The following GNG4 variants were observed in gnomAD, a reference collection of about 807,000 sequenced individuals.
GNG4 encodes the protein G protein subunit gamma 4.
GNG4 carries 4 observed loss-of-function variants against 5.8 expected under a neutral mutation model. The ratio of observed to expected loss-of-function variants is 0.69; its 90% CI spans 0.34 to 1.57. The LOEUF is 1.57. Ranked by LOEUF, GNG4 falls within the 40% of genes most tolerant of loss-of-function variation. GNG4 has a pLI of 0.06. For missense variants in GNG4, 96 were observed against 95.1 expected (o/e 1.01, Z -0.04); for synonymous variants, 29 against 32.9 (o/e 0.88, Z 0.41).
chr1:235,573,692 A>T (rs1200444808), intron 3 of GNG4, among the ~76,000 whole-genome samples: 1 of 151,992 alleles, frequency 6.6e-6, no homozygotes, highest in East Asian at 1.9e-4. Flanking sequence ...CAGGAGAATC[A>T]CTTGAACCCG....
chr1:235,577,683 C>G (rs35840115), intron 3 of GNG4, among the ~76,000 whole-genome samples: 1 of 151,302 alleles, frequency 6.6e-6, no homozygotes, highest in Non-Finnish European at 1.5e-5. Context: ...TCGTGATCCA[C>G]CCGCCCTGGC....
intron 1 of GNG4, among the ~76,000 whole-genome samples, chr1:235,625,725 C>T (rs1010681254): frequency 3.3e-5 from 5 of 152,162 alleles, no homozygotes; most frequent in African/African-American, 9.7e-5. Context: ...CTCAGCAATA[C>T]GTATGTAAGT....
intron 1 of GNG4, among the ~76,000 whole-genome samples, chr1:235,613,717 T>C (rs1279619405): frequency 6.6e-6 from 1 of 152,228 alleles, no homozygotes; most frequent in East Asian, 1.9e-4. Context: ...CATTTTGGAC[T>C]TCTGACCTCT....
In GNG4 at chr1:235,648,697, A is replaced by T. The variant is rs1037092624; in HGVS notation, c.-123+965T>A. ...ACGTTTTAATGGAGCACACGGGCGC[A>T]GCCTAGGCGGCCTTTTGCTCCGGCT... On this transcript the variant is annotated intron_variant, in intron 1 of 3. Transcript: ENST00000391854. The surrounding 1 kb of genome is among the most constrained non-coding windows in gnomAD (Gnocchi z 5.0). 6.6e-6 allele frequency among the ~76,000 whole-genome samples: 1 copy of T among 152,226 alleles called. No homozygotes were observed. The highest frequency in any genetic ancestry group is 2.4e-5 in the African/African-American group (1 of 41,464).
intron 3 of GNG4, among the ~76,000 whole-genome samples, chr1:235,553,526 C>T (rs1208048537): frequency 1.3e-5 from 2 of 152,328 alleles, no homozygotes; most frequent in South Asian, 2.1e-4. Context: ...AGGCCATACA[C>T]ATTCCCTTCT....
chr1:235,571,617 T>G (rs2102929090), intron 3 of GNG4, among the ~76,000 whole-genome samples: 1 of 152,346 alleles, frequency 6.6e-6, no homozygotes, highest in Middle Eastern at 3.4e-3. Flanking sequence ...AATTTGATAT[T>G]GACTCAAACA....
chr1:235,622,681 G>A (rs1688735253), intron 1 of GNG4, among the ~76,000 whole-genome samples: 3 of 151,978 alleles, frequency 2.0e-5, no homozygotes. Flanking sequence ...AGGAGTTCGA[G>A]ACCAGCCTGG....
chr1:235,564,352 A>C (rs955131347), intron 3 of GNG4, among the ~76,000 whole-genome samples: 1 of 152,168 alleles, frequency 6.6e-6, no homozygotes, highest in Non-Finnish European at 1.5e-5. Flanking sequence ...TGGGGGATGA[A>C]ATCACTGGTG....
chr1:235,582,655 A>G (rs902903245), intron 3 of GNG4, among the ~76,000 whole-genome samples: 2 of 152,198 alleles, frequency 1.3e-5, no homozygotes, highest in Non-Finnish European at 2.9e-5. Flanking sequence ...TCTGGGTTCT[A>G]AACTTGCTCC....
chr1:235,604,215 G>A (rs1179508554), intron 1 of GNG4, among the ~76,000 whole-genome samples: 1 of 152,226 alleles, frequency 6.6e-6, no homozygotes, highest in East Asian at 1.9e-4. Context: ...ACCTGTGTCT[G>A]GTGTGTTTGT....
intron 3 of GNG4, among the ~76,000 whole-genome samples, chr1:235,570,923 TACAC>T (rs1553365414): frequency 6.2e-5 from 6 of 97,346 alleles, no homozygotes; most frequent in South Asian, 6.0e-4. Context: ...CATATATATA[TACAC>T]ACACACACAC....
chr1:235,620,146 C>T (rs754848353), intron 1 of GNG4, among the ~76,000 whole-genome samples: 88 of 152,112 alleles, frequency 5.8e-4, no homozygotes, highest in Non-Finnish European at 1.1e-3. Context: ...GGTGGATCAC[C>T]TGAGGTCGGG....
intron 3 of GNG4, among the ~76,000 whole-genome samples, chr1:235,575,248 G>C (rs544307740): frequency 3.3e-5 from 5 of 152,172 alleles, no homozygotes; most frequent in African/African-American, 1.2e-4. Flanking sequence ...AAAGCAATAC[G>C]CATTCAGTAT....
At chr1:235,622,698 T>C (rs1465070927) in intron 1 of GNG4, among the ~76,000 whole-genome samples, 2 of 151,854 alleles carry the variant, frequency 1.3e-5, no homozygotes, top group African/African-American at 2.4e-5. Flanking sequence ...CTGGCCAACA[T>C]GGTGAAACCC....
rs533853180 is a variant in GNG4, at chr1:235,600,100, C to CTTTTTTTTT, written c.-122-4598_-122-4590dup. Among the ~76,000 whole-genome samples, 399 of 43,134 alleles carry CTTTTTTTTT rather than the reference C, an allele frequency of 9.3e-3. 102 individuals carry two copies. Among genetic ancestry groups the CTTTTTTTTT allele is most frequent in the Non-Finnish European group, 0.012 (299 of 24,358 alleles). 28.3% of individuals were successfully genotyped at this position (43,134 alleles called of 152,430 possible). A position where few individuals can be genotyped will look rare whatever the true frequency, so the allele number is the denominator to read the frequency against. ...TCCTTTATCTGGTTGCGGAAGAAAG[C>CTTTTTTTTT]TTTTTTTTTTTTTTTTTTTTTTTTT... On this transcript the variant is annotated intron_variant, in intron 1 of 3. Transcript: ENST00000391854.
chr1:235,630,525 C>T (rs979035444), intron 1 of GNG4, among the ~76,000 whole-genome samples: 1 of 152,166 alleles, frequency 6.6e-6, no homozygotes, highest in African/African-American at 2.4e-5. Context: ...CGAAAGTACA[C>T]GGTTTGCAAA....
At chr1:235,611,169 CTCTTT>C (rs1688468478) in intron 1 of GNG4, among the ~76,000 whole-genome samples, 1 of 151,420 alleles carries the variant, frequency 6.6e-6, no homozygotes, top group Non-Finnish European at 1.5e-5. Flanking sequence ...CTCTCTCTCT[CTCTTT>C]TTTTTTTTTT....
chr1:235,559,938 C>T (rs549634416), intron 3 of GNG4, among the ~76,000 whole-genome samples: 1 of 152,292 alleles, frequency 6.6e-6, no homozygotes, highest in African/African-American at 2.4e-5. Context: ...AATATCAAAG[C>T]CCTCACTTGT....
In GNG4 at chr1:235,551,117, G is replaced by A. The variant is rs534218849; in HGVS notation, c.*992C>T. 12 of 152,406 alleles carry A rather than the reference G, an allele frequency of 7.9e-5. No individual in the cohort carries two copies. Among genetic ancestry groups the A allele is most frequent in the East Asian group, 1.9e-4 (1 of 5,188 alleles). The allele number at this position is 152,406 out of a possible 1,614,324, so 9.4% of individuals were successfully genotyped here. A position where few individuals can be genotyped will look rare whatever the true frequency, so the allele number is the denominator to read the frequency against. On this transcript the variant is annotated 3_prime_UTR_variant, in exon 4 of 4. Transcript: ENST00000391854. ...CACAGGTCTGCCACAGCGCGTCAAC[G>A]GTATGGGGTACTTTTACAGTCAAGT...
Sources: gnomAD v4.1 joint callset for allele counts (sites outside exome capture counted in the v4.1 genomes callset) on GRCh38, gnomAD v4.1.1 for gene constraint, Gnocchi (gnomAD v3.1) non-coding constraint, MANE v1.5 for transcripts, NCBI Gene and HGNC (gene_info 2026-07-23, HGNC 2026-07-21) for gene names.